The following COMMD2 variants were observed in gnomAD, a reference collection of about 807,000 sequenced individuals.
COMMD2 encodes COMM domain-containing protein 2.
Under a neutral mutation model 22.5 loss-of-function variants are expected in COMMD2, and 25 were observed. The ratio of observed to expected loss-of-function variants is 1.11; its 90% CI spans 0.81 to 1.55. COMMD2 has a LOEUF of 1.55. Among genes scored for constraint, COMMD2 ranks in the 40% most tolerant of loss-of-function variants. The probability of loss-of-function intolerance (pLI) is 0.00; values close to 1 mark genes in which losing one functional copy is unlikely to be tolerated. For synonymous variants in COMMD2, 98 were observed against 91.2 expected (o/e 1.07, Z -0.42); for missense variants, 223 against 232.9 (o/e 0.96, Z 0.28).
chr3:149,749,940 C>T (rs952049473), intron 4 of COMMD2, among the ~76,000 whole-genome samples: 12 of 152,148 alleles, frequency 7.9e-5, no homozygotes, highest in Admixed American at 7.2e-4. Context: ...CAAGGTGATA[C>T]GATCTTTTCC....
At chr3:149,752,044 G>A (rs1325628698) in intron 2 of COMMD2, 166 bp downstream of exon 2, 9 of 576,504 alleles carry the variant, frequency 1.6e-5, no homozygotes, top group Middle Eastern at 4.6e-4. Flanking sequence ...AGCTACTTAA[G>A]GGACGGGCAG....
intron 4 of COMMD2, among the ~76,000 whole-genome samples, chr3:149,742,856 C>T (rs1345680634): frequency 6.6e-6 from 1 of 151,482 alleles, no homozygotes; most frequent in Non-Finnish European, 1.5e-5. Flanking sequence ...GTCCCAGCTA[C>T]TTGGGAGGCT....
intron 4 of COMMD2, 50 bp from the exon 5 acceptor site, chr3:149,741,768 G>T (rs773537160): frequency 1.3e-5 from 17 of 1,309,144 alleles, no homozygotes; most frequent in Non-Finnish European, 1.9e-5. Context: ...TAACCATGCT[G>T]AATACATAAT....
chr3:149,752,269 C>A lies in COMMD2; in HGVS notation c.86G>T (p.Arg29Leu), dbSNP rs1208591847. 6.2e-7 allele frequency: 1 copy of A among 1,613,972 alleles called. No homozygotes were observed. The change falls in exon 2 of 5, where the codon CGG (arginine) becomes CTG (leucine). Residue 29 changes from arginine to leucine, a missense_variant. Coordinates refer to ENST00000473414, the MANE Select transcript of COMMD2 (RefSeq NM_016094.4). ...VDSAVVAEFG[R>L]IAVEFLRRGA... ...GCGTCTCAGGAATTCCACAGCAATCCGCCCAAACTCGGCGACCACTGCAAT... is the reference window on the plus strand; with the variant it reads ...GCGTCTCAGGAATTCCACAGCAATCAGCCCAAACTCGGCGACCACTGCAAT...
intron 4 of COMMD2, 22 bp downstream of exon 4, chr3:149,750,656 G>C (rs1177031103): frequency 4.7e-6 from 7 of 1,478,674 alleles, no homozygotes; most frequent in Non-Finnish European, 6.4e-6. Context: ...TCTATGTTAA[G>C]TTAATTTTAA....
At chr3:149,745,786 A>G (rs191699864) in intron 4 of COMMD2, among the ~76,000 whole-genome samples, 3 of 152,360 alleles carry the variant, frequency 2.0e-5, no homozygotes, top group Admixed American at 1.3e-4. Context: ...AAATTTGAAG[A>G]TACAGTAAGA....
At position 149,740,001 on chromosome 3, in the gene COMMD2, T is replaced by C. The variant is rs534183431; in HGVS notation, c.*1520A>G. The C allele has an allele frequency of 1.3e-5, 2 of 152,252 alleles. No homozygotes were observed. The highest frequency in any genetic ancestry group is 2.9e-5 in the Non-Finnish European group (2 of 68,046). The allele number at this position is 152,252 out of a possible 1,614,324, so 9.4% of individuals were successfully genotyped here. A position where few individuals can be genotyped will look rare whatever the true frequency, so the allele number is the denominator to read the frequency against. On this transcript the variant is annotated 3_prime_UTR_variant, in exon 5 of 5. Coordinates refer to ENST00000473414, the MANE Select transcript of COMMD2 (RefSeq NM_016094.4). ...AGATTGCAACATGGTATCACTCTGA[T>C]ATGAAAATCCCTAATTCTTACGAAG...
At position 149,750,731 on chromosome 3, in the gene COMMD2, A is replaced by C. The variant is rs756490850; in HGVS notation, c.349T>G (p.Leu117Val). Residue 117 changes from leucine to valine, a missense_variant, in exon 4 of 5, where the codon TTG becomes GTG. Physicochemically the swap from Leu to Val is conservative, Grantham distance 32 (BLOSUM62 1). Transcript: ENST00000473414. ...TGATAACTGGGAAGGCTTGGTGCCA[A>C]TTCACTCAGAATCGTTCTGATCTCT... Reference protein sequence around the residue: ...RKEIRTILSELAPSLPSYHNL... With the variant: ...RKEIRTILSEVAPSLPSYHNL... 1 of 1,603,906 alleles carries C rather than the reference A, an allele frequency of 6.2e-7. No individual in the cohort carries two copies. The highest frequency in any genetic ancestry group is 2.2e-5 in the East Asian group (1 of 44,686).
At chr3:149,750,526 T>C in intron 4 of COMMD2, 152 bp downstream of exon 4, 1 of 539,076 alleles carries the variant, frequency 1.9e-6, no homozygotes, top group Non-Finnish European at 3.3e-6. Flanking sequence ...TAAAAGAAAA[T>C]GAATGATTTG....
At chr3:149,741,777 A>G in intron 4 of COMMD2, 59 bp from the exon 5 acceptor site, 5 of 1,249,470 alleles carry the variant, frequency 4.0e-6, no homozygotes, top group Non-Finnish European at 5.8e-6. Context: ...TGAATACATA[A>G]TATTTATAAT....
chr3:149,751,248 GATTTTT>G (rs1716520775), intron 3 of COMMD2, 149 bp downstream of exon 3: 5 of 1,185,956 alleles, frequency 4.2e-6, no homozygotes, highest in African/African-American at 3.1e-5. Flanking sequence ...CAGATGATAT[GATTTTT>G]ATTTTTTAGG....
In COMMD2 at chr3:149,741,620, T is replaced by G. The variant is rs760434689; in HGVS notation, c.501A>C (p.Thr167=). Residue 167 remains threonine, a synonymous_variant, in exon 5 of 5, where the codon ACA becomes ACC. Coordinates refer to ENST00000473414, the MANE Select transcript of COMMD2 (RefSeq NM_016094.4). ...NGDHNTKVLQ[T]DPATLLHLVQ... ...CCAAATGGAGCAGGGTGGCTGGGTC[T>G]GTCTGCAGAACTTTGGTGTTGTGAT... is the stretch of plus-strand genomic sequence containing the variant. The G allele has an allele frequency of 5.0e-6, 8 of 1,614,092 alleles. No individual in the cohort carries two copies. Among genetic ancestry groups the G allele is most frequent in the Non-Finnish European group, 6.8e-6 (8 of 1,179,990 alleles).
chr3:149,750,962 A>G, intron 3 of COMMD2, 111 bp from the exon 4 acceptor site: 1 of 705,966 alleles, frequency 1.4e-6, no homozygotes, highest in African/African-American at 1.8e-5. Flanking sequence ...TAGTAAAAGA[A>G]ACAGCATTCC....
intron 4 of COMMD2, among the ~76,000 whole-genome samples, chr3:149,749,478 T>TA (rs1307838534): frequency 1.3e-5 from 2 of 152,322 alleles, no homozygotes; most frequent in African/African-American, 4.8e-5. Context: ...AAAGAAGCTT[T>TA]AAAAAATCCT....
chr3:149,748,739 T>C (rs1285899234), intron 4 of COMMD2, among the ~76,000 whole-genome samples: 2 of 152,242 alleles, frequency 1.3e-5, no homozygotes, highest in Admixed American at 1.3e-4. Context: ...GGAGCGTGAC[T>C]GTGTCCCAAT....
At chr3:149,742,185 T>C (rs957229719) in intron 4 of COMMD2, among the ~76,000 whole-genome samples, 5 of 152,120 alleles carry the variant, frequency 3.3e-5, no homozygotes, top group Admixed American at 1.3e-4. Flanking sequence ...CAAATGAATA[T>C]AGAAAAATAT....
At chr3:149,746,870 G>A (rs1461609356) in intron 4 of COMMD2, among the ~76,000 whole-genome samples, 1 of 152,200 alleles carries the variant, frequency 6.6e-6, no homozygotes, top group Non-Finnish European at 1.5e-5. Flanking sequence ...TTAGAATCAT[G>A]ACAGAAGGCA....
intron 4 of COMMD2, among the ~76,000 whole-genome samples, chr3:149,743,116 T>C (rs1716280753): frequency 2.0e-5 from 3 of 152,138 alleles, no homozygotes; most frequent in African/African-American, 7.2e-5. Context: ...TGGTGGTGGG[T>C]GTACTGGTAT....
At chr3:149,750,358 C>T in intron 4 of COMMD2, 2 of 460,854 alleles carry the variant, frequency 4.3e-6, no homozygotes, top group Non-Finnish European at 8.6e-6. Flanking sequence ...TTGAGCGGTA[C>T]ATTGACCTGT....
Sources: gnomAD v4.1 joint callset for allele counts (sites outside exome capture counted in the v4.1 genomes callset) on GRCh38, gnomAD v4.1.1 for gene constraint, MANE v1.5 for transcripts, NCBI Gene and HGNC (gene_info 2026-07-23, HGNC 2026-07-21) for gene names.